The following ATOSA variants were observed in gnomAD, a reference collection of about 807,000 sequenced individuals.
ATOSA encodes atos homolog A.
At chr15:52,600,712 G>T in the ATOSA span, among the ~76,000 whole-genome samples, 1 of 151,034 alleles carries the variant, frequency 6.6e-6, no homozygotes, top group African/African-American at 2.4e-5. Flanking sequence ...AGTTAAGAAT[G>T]AGAATACAAG....
the ATOSA span, among the ~76,000 whole-genome samples, chr15:52,618,572 C>T: frequency 2.6e-5 from 4 of 152,152 alleles, no homozygotes; most frequent in Non-Finnish European, 5.9e-5. Context: ...CTTATGCCTG[C>T]AAAACTGTAA....
At chr15:52,690,668 G>T in the ATOSA span, among the ~76,000 whole-genome samples, 1 of 152,304 alleles carries the variant, frequency 6.6e-6, no homozygotes, top group Admixed American at 6.5e-5. Context: ...GAATCCAACA[G>T]AAGAAGAGAA....
the ATOSA span, among the ~76,000 whole-genome samples, chr15:52,679,692 G>A: frequency 2.6e-5 from 4 of 151,996 alleles, no homozygotes; most frequent in Non-Finnish European, 4.4e-5. Context: ...TTAGAGCGCA[G>A]GGTAACTGGG....
At chr15:52,593,786 C>A in the ATOSA span, 12 of 1,483,912 alleles carry the variant, frequency 8.1e-6, no homozygotes, top group Non-Finnish European at 9.9e-6. Flanking sequence ...CTAACACATT[C>A]ATTTTTTTTC....
chr15:52,631,698 G>T, the ATOSA span, among the ~76,000 whole-genome samples: 127 of 152,232 alleles, frequency 8.3e-4, no homozygotes, highest in Non-Finnish European at 1.5e-3. Context: ...AGCTACTGAC[G>T]AAAAGTTAGA....
At chr15:52,641,755 G>GAACAGAAAC in the ATOSA span, among the ~76,000 whole-genome samples, 1 of 152,168 alleles carries the variant, frequency 6.6e-6, no homozygotes, top group Non-Finnish European at 1.5e-5. Flanking sequence ...AGGTTGGTAA[G>GAACAGAAAC]AACAGAAACA....
the ATOSA span, chr15:52,678,320 C>G: frequency 1.1e-5 from 6 of 567,096 alleles, no homozygotes; most frequent in South Asian, 1.3e-4. Flanking sequence ...CCTCTGTGCT[C>G]TCCAGGCCAA....
chr15:52,701,623 A>G, the ATOSA span, among the ~76,000 whole-genome samples: 6 of 152,234 alleles, frequency 3.9e-5, no homozygotes, highest in South Asian at 2.1e-4. Context: ...TTATACTAAT[A>G]GAAGAAAACA....
the ATOSA span, among the ~76,000 whole-genome samples, chr15:52,628,902 T>C: frequency 2.0e-5 from 3 of 152,202 alleles, no homozygotes; most frequent in Non-Finnish European, 4.4e-5. Context: ...TGTTAACAAA[T>C]ATATTTTCTA....
At chr15:52,613,888 A>G in the ATOSA span, 4 of 1,582,628 alleles carry the variant, frequency 2.5e-6, no homozygotes, top group Non-Finnish European at 3.5e-6. Flanking sequence ...AGGGTCCTCA[A>G]TTTAATGTAC....
chr15:52,600,065 A>G, the ATOSA span: 5 of 737,164 alleles, frequency 6.8e-6, no homozygotes, highest in Non-Finnish European at 1.1e-5. Context: ...GACATATAAA[A>G]TGACACCCTA....
At chr15:52,609,249 A>G in the ATOSA span, 2 of 1,613,258 alleles carry the variant, frequency 1.2e-6, no homozygotes, top group Non-Finnish European at 1.7e-6. Flanking sequence ...AGTTTTTCCC[A>G]TCACTGATGT....
the ATOSA span, among the ~76,000 whole-genome samples, chr15:52,693,284 G>A: frequency 1.3e-5 from 2 of 152,122 alleles, no homozygotes; most frequent in Non-Finnish European, 2.9e-5. Context: ...GCTAGGCATG[G>A]TGGTGCATAC....
At chr15:52,695,562 G>A in the ATOSA span, among the ~76,000 whole-genome samples, 32 of 152,250 alleles carry the variant, frequency 2.1e-4, no homozygotes, top group African/African-American at 7.2e-4. Context: ...CACTGTTGTC[G>A]ACGTTTGGAA....
At chr15:52,647,865 C>T in the ATOSA span, among the ~76,000 whole-genome samples, 3 of 152,138 alleles carry the variant, frequency 2.0e-5, no homozygotes, top group African/African-American at 7.2e-5. Flanking sequence ...TTTACTCATT[C>T]TTTCCTTACC....
chr15:52,671,621 A>C, the ATOSA span, among the ~76,000 whole-genome samples: 1 of 152,170 alleles, frequency 6.6e-6, no homozygotes, highest in Admixed American at 6.5e-5. Flanking sequence ...TATGAAGGAA[A>C]TACAGGCTGC....
the ATOSA span, among the ~76,000 whole-genome samples, chr15:52,652,589 T>C: frequency 2.0e-5 from 3 of 152,112 alleles, no homozygotes; most frequent in African/African-American, 7.2e-5. Flanking sequence ...GGTCCTGAAA[T>C]GGTCTCTCCT....
chr15:52,608,080 G>C, the ATOSA span, among the ~76,000 whole-genome samples: 1 of 152,030 alleles, frequency 6.6e-6, no homozygotes, highest in African/African-American at 2.4e-5. Flanking sequence ...TGTAGAGACA[G>C]AGTCTCACTA....
At chr15:52,707,453 G>T in the ATOSA span, among the ~76,000 whole-genome samples, 1 of 152,090 alleles carries the variant, frequency 6.6e-6, no homozygotes, top group African/African-American at 2.4e-5. Context: ...AACCCGTCAA[G>T]AACATAAAAT....
Sources: gnomAD v4.1 joint callset for allele counts (sites outside exome capture counted in the v4.1 genomes callset) on GRCh38, gnomAD v4.1.1 for gene constraint, MANE v1.5 for transcripts, NCBI Gene and HGNC (gene_info 2026-07-23, HGNC 2026-07-21) for gene names.